Variants in XKRX observed in about 807,000 individuals in gnomAD.
XKRX encodes the protein XK related X-linked.
Under a neutral mutation model 22.4 loss-of-function variants are expected in XKRX, and 11 were observed. That is an observed-to-expected ratio of 0.49 (90% CI 0.31 to 0.81). The LOEUF (loss-of-function observed/expected upper bound fraction) is 0.81. XKRX is among the 40% of genes least tolerant of loss of function. The probability of loss-of-function intolerance (pLI) is 0.05; values close to 1 mark genes in which losing one functional copy is unlikely to be tolerated. For missense variants in XKRX, 320 were observed against 336.5 expected (o/e 0.95, Z 0.38); for synonymous variants, 114 against 132.2 (o/e 0.86, Z 0.94).
At chrX:100,923,694 C>T (rs754614715) in intron 1 of XKRX, among the ~76,000 whole-genome samples, 35 of 111,421 alleles carry the variant, frequency 3.1e-4, no homozygotes, top group Non-Finnish European at 5.7e-4. Flanking sequence ...GGTATTAAGT[C>T]GATACTGTTT....
upstream of XKRX, chrX:100,929,279 C>T: frequency 9.0e-6 from 1 of 111,706 alleles, no homozygotes; most frequent in Middle Eastern, 4.6e-3. Context: ...ATGGGCGGGA[C>T]GGCTGCGGCC....
At chrX:100,907,015 C>T in the XKRX span, among the ~76,000 whole-genome samples, 2 of 111,489 alleles carry the variant, frequency 1.8e-5, no homozygotes, top group East Asian at 5.7e-4. Flanking sequence ...TGATTTGCAA[C>T]CTTAATTCCC....
chrX:100,892,727 T>C, the XKRX span, among the ~76,000 whole-genome samples: 2 of 112,541 alleles, frequency 1.8e-5, no homozygotes, highest in Non-Finnish European at 3.8e-5. Flanking sequence ...ATACTGTTAG[T>C]GGGAATGTAA....
the XKRX span, among the ~76,000 whole-genome samples, chrX:100,903,164 A>G: frequency 1.9e-4 from 21 of 111,924 alleles, no homozygotes; most frequent in South Asian, 1.5e-3. Flanking sequence ...AAAAAGACAA[A>G]TAACAACAAA....
At chrX:100,949,364 GTT>G in the XKRX span, among the ~76,000 whole-genome samples, 1 of 15,981 alleles carries the variant, frequency 6.3e-5, no homozygotes. Flanking sequence ...GTTTTTGGTT[GTT>G]TTTTTTTTTT....
At chrX:100,952,646 C>CA in the XKRX span, among the ~76,000 whole-genome samples, 34 of 110,873 alleles carry the variant, frequency 3.1e-4, no homozygotes, top group South Asian at 0.011. Flanking sequence ...CAAAACAAAA[C>CA]AAAAAAAACC....
At chrX:100,896,348 T>G in the XKRX span, among the ~76,000 whole-genome samples, 1 of 111,448 alleles carries the variant, frequency 9.0e-6, no homozygotes, top group Non-Finnish European at 1.9e-5. Context: ...AACCACATAA[T>G]GGAGTAATAC....
chrX:100,956,825 T>C, the XKRX span: 1 of 611,844 alleles, frequency 1.6e-6, no homozygotes, highest in South Asian at 2.3e-5. Flanking sequence ...AAGATTCATC[T>C]CACAGTAGTG....
rs761232836 is a variant in XKRX, at chrX:100,914,431, G to A, written c.1257C>T (p.Tyr419=). The A allele has an allele frequency of 8.3e-7, 1 of 1,211,351 alleles. No homozygotes were observed. The highest frequency in any genetic ancestry group is 3.0e-5 in the East Asian group (1 of 33,842). ...RSLFTHNVVD[Y]LHCVCCHQHP... is the part of the protein sequence containing the mutation. ...GCTGGTGACAGCAGACACAATGGAG[G>A]TAGTCTACTACATTATGGGTGAAGA... Residue 419 remains tyrosine, a synonymous_variant, in exon 3 of 3, where the codon TAC becomes TAT. Transcript: ENST00000372956.
intron 2 of XKRX, among the ~76,000 whole-genome samples, chrX:100,920,489 G>C (rs1214962095): frequency 2.7e-5 from 3 of 110,595 alleles, no homozygotes; most frequent in African/African-American, 9.8e-5. Flanking sequence ...TGGGGAGTGA[G>C]ATTACGTTTC....
At chrX:100,931,825 G>T (rs1316834778), upstream of XKRX, among the ~76,000 whole-genome samples, 1 of 110,888 alleles carries the variant, frequency 9.0e-6, no homozygotes. Context: ...CACTGTAGCT[G>T]GGGCATAAAC....
At chrX:100,949,503 C>T in the XKRX span, among the ~76,000 whole-genome samples, 1 of 109,420 alleles carries the variant, frequency 9.1e-6, no homozygotes, top group South Asian at 4.0e-4. Flanking sequence ...GTAGCTGGGA[C>T]TATAAGGCGT....
rs2085508508 is a variant in XKRX at position 100,928,595 on chromosome X, C to A, written c.-291G>T. ...CTGTGAAACTTGAACAAGACAAAAGCAAGCATCCCAGCGCCCCATCCAGAG... is the reference window on the plus strand; with the variant it reads ...CTGTGAAACTTGAACAAGACAAAAGAAAGCATCCCAGCGCCCCATCCAGAG... On this transcript the variant is annotated 5_prime_UTR_variant, in exon 1 of 3. Transcript: ENST00000372956. 1 of 906,669 alleles carries A rather than the reference C, an allele frequency of 1.1e-6. No homozygotes were observed. Among genetic ancestry groups the A allele is most frequent in the Admixed American group, 5.8e-5 (1 of 17,380 alleles). 74.7% of individuals were successfully genotyped at this position (906,669 alleles called of 1,213,427 possible).
chrX:100,918,323 C>T (rs992839022), intron 2 of XKRX, among the ~76,000 whole-genome samples: 33 of 111,772 alleles, frequency 3.0e-4, no homozygotes, highest in African/African-American at 1.0e-3. Context: ...AGTGGTGACT[C>T]TTGTCTTTCT....
chrX:100,945,936 A>T, the XKRX span, among the ~76,000 whole-genome samples: 3 of 111,117 alleles, frequency 2.7e-5, no homozygotes, highest in South Asian at 1.2e-3. Flanking sequence ...CTGTAATCCC[A>T]GCACTTTGGG....
At chrX:100,948,935 G>C in the XKRX span, among the ~76,000 whole-genome samples, 3 of 112,703 alleles carry the variant, frequency 2.7e-5, no homozygotes, top group Non-Finnish European at 5.6e-5. Flanking sequence ...CAATGAGTTG[G>C]TGCAAGTCAT....
At chrX:100,911,463 G>C, downstream of XKRX, 1 of 877,786 alleles carries the variant, frequency 1.1e-6, no homozygotes, top group African/African-American at 2.0e-5. Context: ...GAAAATGATG[G>C]ATGCATAAAT....
chrX:100,905,781 T>C, the XKRX span, among the ~76,000 whole-genome samples: 1,338 of 111,960 alleles, frequency 0.012, 19 homozygotes, highest in African/African-American at 0.041. Context: ...GGCAGCCAAC[T>C]CAAAAGAGGA....
chrX:100,902,743 G>A, the XKRX span, among the ~76,000 whole-genome samples: 1 of 110,002 alleles, frequency 9.1e-6, no homozygotes, highest in Non-Finnish European at 1.9e-5. Context: ...TCCTCAATTT[G>A]ATAAAGAACA....
Sources: gnomAD v4.1 joint callset for allele counts (sites outside exome capture counted in the v4.1 genomes callset) on GRCh38, gnomAD v4.1.1 for gene constraint, MANE v1.5 for transcripts, NCBI Gene and HGNC (gene_info 2026-07-23, HGNC 2026-07-21) for gene names.